Variants in PALM2AKAP2 observed in about 807,000 individuals in gnomAD.
PALM2AKAP2 encodes the protein PALM2 and AKAP2 fusion, also known as PALM2-AKAP2 fusion protein.
PALM2AKAP2 carries 37 observed loss-of-function variants against 71.5 expected under a neutral mutation model. The observed-to-expected ratio is 0.52, with a 90% CI of 0.40 to 0.68. The LOEUF (loss-of-function observed/expected upper bound fraction) is 0.68. Ranked by LOEUF, PALM2AKAP2 falls within the 30% of genes least tolerant of loss-of-function variation. The pLI is 0.00. For missense variants in PALM2AKAP2, 1,224 were observed against 1,191.8 expected, an observed-to-expected ratio of 1.03 and a Z score of -0.40; for synonymous variants, 468 against 478.8, an observed-to-expected ratio of 0.98 and a Z score of 0.29.
At chr9:110,161,462 C>T in intron 3 of PALM2AKAP2, among the ~76,000 whole-genome samples, 1 of 152,100 alleles carries the variant, frequency 6.6e-6, no homozygotes, top group Non-Finnish European at 1.5e-5. Context: ...CATTTCAGTT[C>T]CTAAGTGCTC....
At chr9:109,842,313 C>T (rs987597590) in intron 1 of PALM2AKAP2, among the ~76,000 whole-genome samples, 1 of 152,102 alleles carries the variant, frequency 6.6e-6, no homozygotes, top group African/African-American at 2.4e-5. Flanking sequence ...TATGGATGGA[C>T]CATGACATCC....
intron 1 of PALM2AKAP2, among the ~76,000 whole-genome samples, chr9:109,708,328 G>A (rs1828173430): frequency 6.6e-6 from 1 of 152,086 alleles, no homozygotes; most frequent in Non-Finnish European, 1.5e-5. Flanking sequence ...ATAGACAGCA[G>A]GACCTCAATC....
intron 7 of PALM2AKAP2, among the ~76,000 whole-genome samples, chr9:110,019,238 CAAAAAAAAAAAAA>C (rs769230271): frequency 2.1e-5 from 1 of 47,960 alleles, no homozygotes; most frequent in Non-Finnish European, 4.2e-5. Context: ...GACTCTGTCT[CAAAAAAAAAAAAA>C]AAAAAAAAAG....
chr9:109,779,633 C>T (rs949402099), upstream of PALM2AKAP2, among the ~76,000 whole-genome samples: 2 of 152,216 alleles, frequency 1.3e-5, no homozygotes, highest in Admixed American at 6.5e-5. Flanking sequence ...TAAAAACTCT[C>T]GGCTTCTTTT....
exon 4 of PALM2AKAP2, chr9:110,172,170 G>A (rs760088114): frequency 3.3e-5 from 5 of 151,942 alleles, no homozygotes; most frequent in Non-Finnish European, 5.9e-5. Context: ...ATTAAACTAT[G>A]TATTGAAAAA....
At chr9:110,016,948 C>A (rs527460531) in intron 7 of PALM2AKAP2, among the ~76,000 whole-genome samples, 1 of 152,018 alleles carries the variant, frequency 6.6e-6, no homozygotes, top group Non-Finnish European at 1.5e-5. Context: ...GGTGCGATCT[C>A]GGCTCACTGC....
intron 1 of PALM2AKAP2, among the ~76,000 whole-genome samples, chr9:109,665,116 C>A (rs1434326632): frequency 6.6e-6 from 1 of 152,128 alleles, no homozygotes. Context: ...GGCTTCCTTG[C>A]GATGGGTTCG....
chr9:109,655,572 T>C (rs965159017), intron 1 of PALM2AKAP2, among the ~76,000 whole-genome samples: 1 of 152,106 alleles, frequency 6.6e-6, no homozygotes, highest in Admixed American at 6.6e-5. Context: ...AGACTGAAAC[T>C]CTCTACCCAT....
chr9:109,667,148 G>A (rs1374374322), intron 1 of PALM2AKAP2, among the ~76,000 whole-genome samples: 2 of 152,096 alleles, frequency 1.3e-5, no homozygotes, highest in African/African-American at 4.8e-5. Flanking sequence ...AAGATTCATA[G>A]GCCCTCCTCT....
At chr9:110,093,486 AG>A (rs1447239932) in intron 1 of PALM2AKAP2, among the ~76,000 whole-genome samples, 1 of 152,240 alleles carries the variant, frequency 6.6e-6, no homozygotes, top group Non-Finnish European at 1.5e-5. Flanking sequence ...CCAAAAATTT[AG>A]CAAGATTACC....
At chr9:109,969,531 C>A (rs989565528) in intron 6 of PALM2AKAP2, among the ~76,000 whole-genome samples, 2 of 152,228 alleles carry the variant, frequency 1.3e-5, no homozygotes, top group Non-Finnish European at 2.9e-5. Flanking sequence ...CAAACTCAGT[C>A]GTTCACGGGG....
At chr9:110,066,947 G>A (rs1227380462) in intron 1 of PALM2AKAP2, among the ~76,000 whole-genome samples, 1 of 152,014 alleles carries the variant, frequency 6.6e-6, no homozygotes, top group East Asian at 1.9e-4. Flanking sequence ...TTTTAGCAAA[G>A]AAGTATTCAG....
At chr9:109,748,866 G>T (rs768836361) in intron 1 of PALM2AKAP2, among the ~76,000 whole-genome samples, 8 of 152,160 alleles carry the variant, frequency 5.3e-5, no homozygotes, top group African/African-American at 9.7e-5. Flanking sequence ...TTCTCCCTGT[G>T]TCTTCACCTG....
chr9:110,000,546 T>C (rs1832664088), intron 6 of PALM2AKAP2, among the ~76,000 whole-genome samples: 1 of 152,216 alleles, frequency 6.6e-6, no homozygotes. Context: ...GATGGCTGGG[T>C]CAAATGGTAT....
chr9:110,157,799 T>A (rs1587873442), intron 3 of PALM2AKAP2, among the ~76,000 whole-genome samples: 1 of 152,304 alleles, frequency 6.6e-6, no homozygotes, highest in Non-Finnish European at 1.5e-5. Flanking sequence ...CCCTGCTGTT[T>A]TATTGCCTTT....
At chr9:109,963,884 G>A (rs1181994116) in intron 6 of PALM2AKAP2, among the ~76,000 whole-genome samples, 4 of 152,194 alleles carry the variant, frequency 2.6e-5, no homozygotes, top group Admixed American at 2.0e-4. Flanking sequence ...TTGAGGTGCA[G>A]GCTAGGGTGT....
intron 6 of PALM2AKAP2, chr9:109,945,560 CA>C (rs1831483580): frequency 6.6e-6 from 1 of 152,158 alleles, no homozygotes; most frequent in African/African-American, 2.4e-5. Flanking sequence ...AGGGAGAAAA[CA>C]GTTTCAATGT....
At chr9:109,680,869 C>T (rs1827716533) in intron 1 of PALM2AKAP2, among the ~76,000 whole-genome samples, 1 of 152,086 alleles carries the variant, frequency 6.6e-6, no homozygotes, top group Non-Finnish European at 1.5e-5. Context: ...TGCTAAAATT[C>T]CATTCGAGAT....
chr9:110,122,337 AT>A (rs908260732), intron 1 of PALM2AKAP2, among the ~76,000 whole-genome samples: 1 of 152,066 alleles, frequency 6.6e-6, no homozygotes, highest in Non-Finnish European at 1.5e-5. Flanking sequence ...TGGCCTTCAG[AT>A]TTTTTTCTTT....
Sources: gnomAD v4.1 joint callset for allele counts (sites outside exome capture counted in the v4.1 genomes callset) on GRCh38, gnomAD v4.1.1 for gene constraint, MANE v1.5 for transcripts, NCBI Gene and HGNC (gene_info 2026-07-23, HGNC 2026-07-21) for gene names.